Variants in ALK observed in about 807,000 individuals in gnomAD.
The protein encoded by ALK is ALK tyrosine kinase receptor.
ALK carries 74 observed loss-of-function variants against 163.1 expected under a neutral mutation model. The observed-to-expected ratio is 0.45, with a 90% confidence interval of 0.38 to 0.55. ALK has a LOEUF of 0.55. ALK is among the 20% of genes least tolerant of loss of function. ALK has a pLI of 0.00. For missense variants in ALK, 2,063 were observed against 2,105.3 expected (o/e 0.98, Z 0.39); for synonymous variants, 960 against 843.2 (o/e 1.14, Z -2.40).
intron 6 of ALK, among the ~76,000 whole-genome samples, chr2:29,326,996 A>C (rs1667284492): frequency 6.6e-6 from 1 of 152,190 alleles, no homozygotes; most frequent in Non-Finnish European, 1.5e-5. Context: ...TGAAGCTTTC[A>C]GTGCTTTGAG....
intron 4 of ALK, among the ~76,000 whole-genome samples, chr2:29,406,231 A>G (rs958526336): frequency 1.3e-5 from 2 of 152,224 alleles, no homozygotes; most frequent in African/African-American, 2.4e-5. Flanking sequence ...GGCGGCCTCT[A>G]TAGCAAAGGC....
At chr2:29,279,352 T>G (rs1199542584) in intron 9 of ALK, among the ~76,000 whole-genome samples, 1 of 152,072 alleles carries the variant, frequency 6.6e-6, no homozygotes, top group African/African-American at 2.4e-5. Flanking sequence ...CACCCACACA[T>G]GGGTGCCTCT....
intron 1 of ALK, among the ~76,000 whole-genome samples, chr2:29,750,630 GGGAAGGAAGGAA>G (rs1189354098): frequency 0.058 from 4,195 of 71,880 alleles, 254 homozygotes; most frequent in African/African-American, 0.13. Context: ...GGAACAGAAT[GGGAAGGAAGGAA>G]GGAAGGAAGG....
Position 29,795,726 on chromosome 2 carries a change from C to T in ALK, c.668-78029G>A, listed in dbSNP as rs570476517. Among the ~76,000 whole-genome samples, 122 of 152,172 alleles carry T rather than the reference C, an allele frequency of 8.0e-4. No homozygotes were observed. In the Middle Eastern group the frequency reaches 0.031, roughly 38 times the overall value. On this transcript the variant is annotated intron_variant, in intron 1 of 28. Transcript: ENST00000389048. ...CTTAAAAATTTTATATGAATCAACT[C>T]TAGTCTTTAAACTCACAAAGACTGA...
At chr2:29,658,170 T>C (rs1456556938) in intron 3 of ALK, among the ~76,000 whole-genome samples, 1 of 152,100 alleles carries the variant, frequency 6.6e-6, no homozygotes, top group African/African-American at 2.4e-5. Flanking sequence ...GAAATGAAAA[T>C]GCTTAAAATG....
chr2:29,247,070 T>C (rs1664695975), intron 12 of ALK, among the ~76,000 whole-genome samples: 1 of 152,144 alleles, frequency 6.6e-6, no homozygotes, highest in Non-Finnish European at 1.5e-5. Context: ...CAGGTGCCCC[T>C]CTCCTGGCAG....
intron 26 of ALK, among the ~76,000 whole-genome samples, chr2:29,206,575 A>G (rs887462260): frequency 1.3e-5 from 2 of 151,830 alleles, no homozygotes; most frequent in Non-Finnish European, 2.9e-5. Context: ...CCTGGCCTAC[A>G]CCCCTACTTT....
intron 4 of ALK, among the ~76,000 whole-genome samples, chr2:29,508,618 G>C (rs956152999): frequency 6.7e-6 from 1 of 148,570 alleles, no homozygotes; most frequent in Non-Finnish European, 1.5e-5. Context: ...AATGGGTGCA[G>C]CACACCAACA....
intron 14 of ALK, 31 bp downstream of exon 14, chr2:29,233,534 C>G (rs1573141421): frequency 1.9e-6 from 3 of 1,613,918 alleles, no homozygotes; most frequent in Non-Finnish European, 2.5e-6. Flanking sequence ...TGCACAGGAA[C>G]CTGGTGGAAA....
intron 13 of ALK, among the ~76,000 whole-genome samples, chr2:29,238,416 C>T (rs1050370169): frequency 2.6e-5 from 4 of 152,052 alleles, no homozygotes; most frequent in African/African-American, 4.8e-5. Flanking sequence ...AGGCTGGTCT[C>T]GAACTTCTGA....
chr2:29,553,811 T>C (rs1227705386), intron 3 of ALK, among the ~76,000 whole-genome samples: 1 of 152,230 alleles, frequency 6.6e-6, no homozygotes, highest in Non-Finnish European at 1.5e-5. Flanking sequence ...CTAGTGAGGT[T>C]GAGTCATTTC....
intron 3 of ALK, among the ~76,000 whole-genome samples, chr2:29,573,709 C>T (rs1018180301): frequency 4.6e-5 from 7 of 152,170 alleles, no homozygotes; most frequent in Non-Finnish European, 1.0e-4. Flanking sequence ...TATTTACTAT[C>T]AGGCCTTTTA....
chr2:29,341,849 C>T (rs1219876770), intron 5 of ALK, among the ~76,000 whole-genome samples: 1 of 152,182 alleles, frequency 6.6e-6, no homozygotes. Flanking sequence ...AGATCACTTG[C>T]TATGGCTAGG....
At chr2:29,439,577 C>T (rs1243360661) in intron 4 of ALK, among the ~76,000 whole-genome samples, 2 of 151,910 alleles carry the variant, frequency 1.3e-5, no homozygotes, top group Non-Finnish European at 2.9e-5. Flanking sequence ...GAAATCCTAA[C>T]TCCTGGCACC....
At chr2:29,834,280 C>G (rs375899260) in intron 1 of ALK, among the ~76,000 whole-genome samples, 317 of 152,278 alleles carry the variant, frequency 2.1e-3, no homozygotes, top group African/African-American at 7.0e-3. Flanking sequence ...CTACATGGTA[C>G]TCACCCAATT....
chr2:29,608,046 C>T (rs199773222), intron 3 of ALK, among the ~76,000 whole-genome samples: 69 of 110,854 alleles, frequency 6.2e-4, no homozygotes, highest in African/African-American at 2.2e-3. Flanking sequence ...ATTGCTTTGT[C>T]TGGAATGCTC....
intron 1 of ALK, among the ~76,000 whole-genome samples, chr2:29,818,465 G>A (rs193007788): frequency 8.5e-5 from 13 of 152,338 alleles, no homozygotes; most frequent in Middle Eastern, 3.4e-3. Flanking sequence ...GAGGAAGCCC[G>A]GCCCGGCGCG....
chr2:29,796,171 G>C (rs184321244), intron 1 of ALK, among the ~76,000 whole-genome samples: 54 of 152,278 alleles, frequency 3.5e-4, no homozygotes, highest in African/African-American at 1.3e-3. Context: ...GGGTCTCTCT[G>C]CTAGGGAAGA....
intron 12 of ALK, 114 bp downstream of exon 12, chr2:29,250,991 T>C: frequency 9.1e-7 from 1 of 1,093,422 alleles, no homozygotes; most frequent in South Asian, 1.6e-5. Context: ...CTGAGTCTGT[T>C]GCCTTTGAAC....
Sources: gnomAD v4.1 joint callset for allele counts (sites outside exome capture counted in the v4.1 genomes callset) on GRCh38, gnomAD v4.1.1 for gene constraint, MANE v1.5 for transcripts, NCBI Gene and HGNC (gene_info 2026-07-23, HGNC 2026-07-21) for gene names.